The following EXOC6B variants were observed in gnomAD, a reference collection of about 807,000 sequenced individuals.
EXOC6B encodes the protein SEC15 homolog B.
In EXOC6B, 54 loss-of-function variants were observed where a neutral mutation model predicts 113.5. The observed-to-expected ratio is 0.48, with a 90% confidence interval of 0.38 to 0.60. The LOEUF (loss-of-function observed/expected upper bound fraction) is 0.60, where lower values mean the gene tolerates loss of function less well. EXOC6B is among the 20% of genes least tolerant of loss of function. The pLI is 0.00. For synonymous variants in EXOC6B, 357 were observed against 339.0 expected (o/e 1.05, Z -0.58); for missense variants, 797 against 977.5 (o/e 0.82, Z 2.46).
chr2:72,456,105 A>C (rs1193227286), intron 18 of EXOC6B, among the ~76,000 whole-genome samples: 1 of 152,130 alleles, frequency 6.6e-6, no homozygotes, highest in African/African-American at 2.4e-5. Flanking sequence ...TTTTGAAAAA[A>C]GAAATGGGAT....
intron 20 of EXOC6B, among the ~76,000 whole-genome samples, chr2:72,267,267 G>T (rs1358116720): frequency 4.6e-5 from 7 of 152,168 alleles, no homozygotes; most frequent in African/African-American, 1.7e-4. Flanking sequence ...CTGCCTAATT[G>T]CCCTGGCCAG....
intron 16 of EXOC6B, among the ~76,000 whole-genome samples, chr2:72,486,717 C>T (rs1029333917): frequency 6.6e-6 from 1 of 152,148 alleles, no homozygotes; most frequent in African/African-American, 2.4e-5. Context: ...TAATGCCAAT[C>T]CCTTTAACTG....
At chr2:72,666,956 G>A (rs528770647) in intron 6 of EXOC6B, among the ~76,000 whole-genome samples, 26 of 152,004 alleles carry the variant, frequency 1.7e-4, no homozygotes, top group African/African-American at 4.1e-4. Context: ...TCCACCTCCC[G>A]GGTTCAAGCG....
chr2:72,625,450 T>C (rs201133984), intron 6 of EXOC6B, among the ~76,000 whole-genome samples: 1 of 152,112 alleles, frequency 6.6e-6, no homozygotes, highest in African/African-American at 2.4e-5. Flanking sequence ...CTGTTCTCTC[T>C]CACACAAAAT....
intron 18 of EXOC6B, among the ~76,000 whole-genome samples, chr2:72,403,259 A>C (rs1023350303): frequency 2.0e-5 from 3 of 152,104 alleles, no homozygotes; most frequent in African/African-American, 7.2e-5. Context: ...TTTTTATTTC[A>C]CTTTATAACA....
At chr2:72,407,123 G>T (rs1693831237) in intron 18 of EXOC6B, among the ~76,000 whole-genome samples, 1 of 152,092 alleles carries the variant, frequency 6.6e-6, no homozygotes, top group Non-Finnish European at 1.5e-5. Context: ...AGAAGAAATG[G>T]ATAAATTCCT....
At chr2:72,232,135 G>T (rs559371515) in intron 20 of EXOC6B, among the ~76,000 whole-genome samples, 1 of 151,968 alleles carries the variant, frequency 6.6e-6, no homozygotes, top group Admixed American at 6.6e-5. Context: ...CACCACTCCT[G>T]GATAATTTTT....
At chr2:72,363,217 C>T (rs1022379793) in intron 19 of EXOC6B, among the ~76,000 whole-genome samples, 2 of 152,016 alleles carry the variant, frequency 1.3e-5, no homozygotes, top group Non-Finnish European at 1.5e-5. Context: ...ATGATTTCAT[C>T]ACACCTAGTA....
At chr2:72,368,472 C>T (rs1367003702) in intron 19 of EXOC6B, among the ~76,000 whole-genome samples, 2 of 152,120 alleles carry the variant, frequency 1.3e-5, no homozygotes, top group Non-Finnish European at 2.9e-5. Context: ...TGAAACTATT[C>T]CAATCAATAG....
chr2:72,224,394 C>A (rs1234567102), intron 20 of EXOC6B, among the ~76,000 whole-genome samples: 1 of 152,100 alleles, frequency 6.6e-6, no homozygotes, highest in Non-Finnish European at 1.5e-5. Context: ...TGAAGGGAAT[C>A]ATCTACTAGA....
chr2:72,595,922 AAT>A (rs1670054848), intron 6 of EXOC6B, among the ~76,000 whole-genome samples: 1 of 152,150 alleles, frequency 6.6e-6, no homozygotes, highest in East Asian at 1.9e-4. Flanking sequence ...TCAATACCAA[AAT>A]ATAGCCTAGA....
At chr2:72,616,468 A>G (rs573436895) in intron 6 of EXOC6B, among the ~76,000 whole-genome samples, 1 of 152,318 alleles carries the variant, frequency 6.6e-6, no homozygotes, top group African/African-American at 2.4e-5. Flanking sequence ...ACTCAGAAAT[A>G]AATTCACATA....
rs1170019304 is a variant in EXOC6B at position 72,465,234 on chromosome 2, T to G, written c.1906A>C (p.Asn636His). Reference sequence around the variant, plus strand: ...TCTACCAGGTAATCACTAGCTTTGTTGCCCAAATCTCCGGTCATCCAGTCA... The same window carrying G: ...TCTACCAGGTAATCACTAGCTTTGTGGCCCAAATCTCCGGTCATCCAGTCA... Reference protein sequence around the residue: ...DYDWMTGDLGNKASDYLVDLI... With the variant: ...DYDWMTGDLGHKASDYLVDLI... The change falls in exon 18 of 22, where the codon AAC (asparagine) becomes CAC (histidine). Residue 636 changes from asparagine (N) to histidine (H), a missense_variant. By Grantham distance (68) the Asn-to-His change is moderately conservative (BLOSUM62 1). Coordinates refer to ENST00000272427, the MANE Select transcript of EXOC6B (RefSeq NM_015189.3). 2 of 1,611,684 alleles carry G rather than the reference T, an allele frequency of 1.2e-6. No individual in the cohort carries two copies. Among genetic ancestry groups the G allele is most frequent in the Non-Finnish European group, 1.7e-6 (2 of 1,178,958 alleles).
chr2:72,589,260 T>C (rs980366441), intron 6 of EXOC6B, among the ~76,000 whole-genome samples: 1 of 151,946 alleles, frequency 6.6e-6, no homozygotes, highest in African/African-American at 2.4e-5. Flanking sequence ...TTATCTTACT[T>C]CAAAAATGAA....
At chr2:72,646,201 G>A (rs1298707027) in intron 6 of EXOC6B, among the ~76,000 whole-genome samples, 1 of 152,046 alleles carries the variant, frequency 6.6e-6, no homozygotes, top group African/African-American at 2.4e-5. Context: ...AGAAGAAATG[G>A]ATAAATTCCT....
At chr2:72,576,488 A>G (rs1346373889) in intron 6 of EXOC6B, among the ~76,000 whole-genome samples, 1 of 152,114 alleles carries the variant, frequency 6.6e-6, no homozygotes, top group Non-Finnish European at 1.5e-5. Flanking sequence ...CAGGAAACTG[A>G]GGCTAGAAAA....
intron 20 of EXOC6B, among the ~76,000 whole-genome samples, chr2:72,208,354 T>C (rs996500200): frequency 2.6e-5 from 4 of 152,192 alleles, no homozygotes; most frequent in Admixed American, 6.5e-5. Context: ...TTTCTGTTCC[T>C]GCATTAATTT....
intron 6 of EXOC6B, among the ~76,000 whole-genome samples, chr2:72,660,195 C>T (rs1315581364): frequency 6.7e-6 from 1 of 148,220 alleles, no homozygotes; most frequent in Non-Finnish European, 1.5e-5. Flanking sequence ...CATCAAAAAG[C>T]TGGAAAAAAA....
chr2:72,187,021 TGTGA>T (rs1475573501), intron 20 of EXOC6B, among the ~76,000 whole-genome samples: 3 of 152,136 alleles, frequency 2.0e-5, no homozygotes, highest in East Asian at 1.9e-4. Context: ...AAGGGGTGTG[TGTGA>T]GTAAGTGTGG....
Sources: allele counts gnomAD v4.1 joint callset (sites outside exome capture counted in the v4.1 genomes callset), GRCh38; gene constraint gnomAD v4.1.1; transcripts MANE v1.5; gene names NCBI Gene and HGNC (gene_info 2026-07-23, HGNC 2026-07-21).